The following TALDO1 variants were observed in gnomAD, a reference collection of about 807,000 sequenced individuals.
TALDO1 encodes transaldolase 1.
Under a neutral mutation model 38.1 loss-of-function variants are expected in TALDO1, and 29 were observed. The ratio of observed to expected loss-of-function variants is 0.76; its 90% CI spans 0.57 to 1.04. TALDO1 has a LOEUF of 1.04. TALDO1 is among the 50% of genes least tolerant of loss of function. The probability of loss-of-function intolerance (pLI) is 0.00; values close to 1 mark genes in which losing one functional copy is unlikely to be tolerated. For missense variants in TALDO1, 499 were observed against 438.1 expected (o/e 1.14, Z -1.24); for synonymous variants, 207 against 176.8 (o/e 1.17, Z -1.36).
At chr11:751,318 G>A (rs1448871226) in intron 1 of TALDO1, among the ~76,000 whole-genome samples, 1 of 152,114 alleles carries the variant, frequency 6.6e-6, no homozygotes, top group Non-Finnish European at 1.5e-5. Context: ...GTTTTATTTG[G>A]GAAGAAAAAA....
chr11:763,371 C>T lies in TALDO1; in HGVS notation c.489C>T (p.His163=), dbSNP rs373696191. The part of the protein sequence containing the change: ...GKELEEQHGI[H]CNMTLLFSFA... ...AGCTCGAGGAGCAGCACGGCATCCACTGCAACATGACGTTACTCTTCTCCT... is the reference window on the plus strand; with the variant it reads ...AGCTCGAGGAGCAGCACGGCATCCATTGCAACATGACGTTACTCTTCTCCT... The change falls in exon 5 of 8, where the codon CAC becomes CAT. Residue 163 remains histidine, a synonymous_variant. Coordinates refer to ENST00000319006, the MANE Select transcript of TALDO1 (RefSeq NM_006755.2). 9.3e-6 allele frequency: 15 copies of T among 1,608,920 alleles called. No individual in the cohort carries two copies. Among genetic ancestry groups the T allele is most frequent in the African/African-American group, 4.0e-5 (3 of 74,228 alleles).
Position 764,801 on chromosome 11 carries a change from G to GT in TALDO1, c.982-9dup, listed in dbSNP as rs760576489. The GT allele has an allele frequency of 4.3e-6, 7 of 1,613,974 alleles. No homozygotes were observed. In the East Asian group the frequency reaches 1.6e-4, roughly 36 times the overall value. On this transcript the variant is annotated splice_polypyrimidine_tract_variant and intron_variant, in intron 7 of 7. Coordinates refer to ENST00000319006, the MANE Select transcript of TALDO1 (RefSeq NM_006755.2). ...GGTGGGGAGACACAGCTCGTGCTCT[G>GT]TTTGTTTCTAGGAACGAATGTTCAA... is the stretch of plus-strand genomic sequence containing the variant.
At chr11:762,029 T>C (rs908059594) in intron 4 of TALDO1, among the ~76,000 whole-genome samples, 1 of 152,110 alleles carries the variant, frequency 6.6e-6, no homozygotes, top group Non-Finnish European at 1.5e-5. Flanking sequence ...GCAATGGTGC[T>C]ATCTCAGCTC....
chr11:756,737 C>T (rs1182402121), intron 2 of TALDO1, among the ~76,000 whole-genome samples: 6 of 152,096 alleles, frequency 3.9e-5, no homozygotes, highest in African/African-American at 1.2e-4. Context: ...AGGCCGGTCT[C>T]GAACTTCTTA....
At chr11:757,158 C>T (rs548757003) in intron 2 of TALDO1, among the ~76,000 whole-genome samples, 7 of 152,258 alleles carry the variant, frequency 4.6e-5, no homozygotes, top group African/African-American at 1.7e-4. Flanking sequence ...CTCCCTTTTC[C>T]TCATCTCGTG....
chr11:753,986 C>G (rs1862792483), intron 1 of TALDO1, among the ~76,000 whole-genome samples: 1 of 150,956 alleles, frequency 6.6e-6, no homozygotes, highest in Non-Finnish European at 1.5e-5. Flanking sequence ...AAGAAAAAAA[C>G]TTTTTTATTT....
intron 7 of TALDO1, 60 bp downstream of exon 7, chr11:764,493 G>T: frequency 6.3e-7 from 1 of 1,590,764 alleles, no homozygotes; most frequent in African/African-American, 1.3e-5. Flanking sequence ...GGGCCTGGGC[G>T]TCGGGGTTCA....
chr11:763,913 C>G lies in TALDO1; in HGVS notation c.804C>G (p.Ala268=). 1 of 1,611,882 alleles carries G rather than the reference C, an allele frequency of 6.2e-7. No homozygotes were observed. Among genetic ancestry groups the G allele is most frequent in the Non-Finnish European group, 8.5e-7 (1 of 1,179,920 alleles). Reference sequence around the variant, plus strand: ...TGGGAGAGCTGCTGCAGGACAACGCCAAGCTGGTGCCTGTGCTCTCAGCCA... The same window carrying G: ...TGGGAGAGCTGCTGCAGGACAACGCGAAGCTGGTGCCTGTGCTCTCAGCCA... ...KLLGELLQDN[A]KLVPVLSAKA... The change falls in exon 6 of 8, where the codon GCC becomes GCG. Residue 268 remains alanine, a synonymous_variant. Coordinates refer to ENST00000319006, the MANE Select transcript of TALDO1 (RefSeq NM_006755.2).
intron 3 of TALDO1, 117 bp downstream of exon 3, chr11:759,174 A>C (rs1862891617): frequency 1.2e-6 from 1 of 863,704 alleles, no homozygotes; most frequent in Non-Finnish European, 1.9e-6. Context: ...CAAGGGCCCA[A>C]GAGGAGGTTT....
intron 3 of TALDO1, 24 bp from the exon 4 acceptor site, chr11:760,098 G>C: frequency 5.0e-6 from 8 of 1,613,446 alleles, no homozygotes; most frequent in Non-Finnish European, 6.8e-6. Context: ...GATCTGAGGG[G>C]ATGGGTTCTT....
At chr11:750,697 C>A (rs866381051) in intron 1 of TALDO1, among the ~76,000 whole-genome samples, 1 of 151,792 alleles carries the variant, frequency 6.6e-6, no homozygotes, top group Middle Eastern at 3.4e-3. Flanking sequence ...TGGTGGCGGG[C>A]GCCTGTAGTC....
At chr11:753,961 T>C (rs1384915868) in intron 1 of TALDO1, among the ~76,000 whole-genome samples, 1 of 151,990 alleles carries the variant, frequency 6.6e-6, no homozygotes, top group Non-Finnish European at 1.5e-5. Flanking sequence ...TTGAACTGTT[T>C]AGTTGGTTAC....
chr11:764,244 C>T (rs879659791), intron 6 of TALDO1, 44 bp from the exon 7 acceptor site: 69 of 1,613,648 alleles, frequency 4.3e-5, no homozygotes, highest in Non-Finnish European at 5.8e-5. Context: ...CCAAGGTGGG[C>T]AGGGACATGG....
chr11:757,315 T>C (rs1022639541), intron 2 of TALDO1, among the ~76,000 whole-genome samples: 4 of 145,204 alleles, frequency 2.8e-5, no homozygotes, highest in Non-Finnish European at 6.0e-5. Context: ...TTTTTTGAGA[T>C]AGAGTTTGGC....
At position 748,918 on chromosome 11, in the gene TALDO1, G is replaced by A. The variant is rs1862704633; in HGVS notation, c.97+1340G>A. 2.6e-5 allele frequency among the ~76,000 whole-genome samples: 4 copies of A among 152,214 alleles called. No homozygotes were observed. In the South Asian group the frequency reaches 8.3e-4, roughly 32 times the overall value. ...TTCTTAGCACTGAGAATAATTTGCAGTTTGCCTGGTGGACAGAGCGCTCAT... is the reference window on the plus strand; with the variant it reads ...TTCTTAGCACTGAGAATAATTTGCAATTTGCCTGGTGGACAGAGCGCTCAT... On this transcript the variant is annotated intron_variant, in intron 1 of 7. Coordinates refer to ENST00000319006, the MANE Select transcript of TALDO1 (RefSeq NM_006755.2).
intron 1 of TALDO1, among the ~76,000 whole-genome samples, chr11:755,446 C>T (rs1447970807): frequency 6.6e-6 from 1 of 152,082 alleles, no homozygotes; most frequent in Non-Finnish European, 1.5e-5. Context: ...GCCCAGCTCC[C>T]CTTGGCTTCT....
intron 3 of TALDO1, 49 bp downstream of exon 3, chr11:759,106 T>C: frequency 6.7e-7 from 1 of 1,484,754 alleles, no homozygotes; most frequent in Non-Finnish European, 9.4e-7. Flanking sequence ...GTGTCCACAG[T>C]TGCACACGTG....
At chr11:755,768 G>A in intron 1 of TALDO1, 111 bp from the exon 2 acceptor site, 4 of 1,550,166 alleles carry the variant, frequency 2.6e-6, no homozygotes, top group African/African-American at 1.4e-5. Flanking sequence ...CCCGCTTTCG[G>A]AAATGCTCTG....
chr11:759,088 C>A, intron 3 of TALDO1, 31 bp downstream of exon 3: 1 of 1,585,934 alleles, frequency 6.3e-7, no homozygotes, highest in Non-Finnish European at 8.6e-7. Context: ...ACTGGATGGG[C>A]TGGTCAGGTG....
Sources: allele counts gnomAD v4.1 joint callset (sites outside exome capture counted in the v4.1 genomes callset), GRCh38; gene constraint gnomAD v4.1.1; transcripts MANE v1.5; gene names NCBI Gene and HGNC (gene_info 2026-07-23, HGNC 2026-07-21).